Variants in SLC24A2 observed in about 807,000 individuals in gnomAD.
SLC24A2 encodes the protein solute carrier family 24 member 2.
SLC24A2 carries 36 observed loss-of-function variants against 62.0 expected under a neutral mutation model. The observed-to-expected ratio is 0.58, with a 90% CI of 0.44 to 0.77. The LOEUF (loss-of-function observed/expected upper bound fraction) is 0.77, where lower values mean the gene tolerates loss of function less well. Ranked by LOEUF, SLC24A2 falls within the 30% of genes least tolerant of loss-of-function variation. The pLI, the probability that SLC24A2 is intolerant of heterozygous loss-of-function variation, is 0.00. For missense variants in SLC24A2, 846 were observed against 817.9 expected (o/e 1.03, Z -0.42); for synonymous variants, 358 against 294.0 (o/e 1.22, Z -2.23).
chr9:19,835,104 C>A, the SLC24A2 span, among the ~76,000 whole-genome samples: 1 of 152,028 alleles, frequency 6.6e-6, no homozygotes, highest in South Asian at 2.1e-4. Flanking sequence ...ACAACCAGTA[C>A]CAGCCACTGC....
chr9:20,269,565 T>G, the SLC24A2 span, among the ~76,000 whole-genome samples: 1 of 152,210 alleles, frequency 6.6e-6, no homozygotes, highest in African/African-American at 2.4e-5. Context: ...CTCCGTTTCA[T>G]CTGCTTTTCA....
At chr9:19,667,246 T>C (rs1819281532) in intron 2 of SLC24A2, among the ~76,000 whole-genome samples, 1 of 152,188 alleles carries the variant, frequency 6.6e-6, no homozygotes, top group African/African-American at 2.4e-5. Context: ...TTATTTCCCC[T>C]TGTATTTTCT....
At chr9:19,572,819 T>C (rs1200691785) in intron 7 of SLC24A2, among the ~76,000 whole-genome samples, 2 of 152,170 alleles carry the variant, frequency 1.3e-5, no homozygotes, top group East Asian at 3.8e-4. Flanking sequence ...GAATAATGGG[T>C]TGGGCCAGAG....
the SLC24A2 span, among the ~76,000 whole-genome samples, chr9:20,186,814 A>G: frequency 6.6e-6 from 1 of 152,210 alleles, no homozygotes. Flanking sequence ...AACGAGAGAC[A>G]TTTTTATTCA....
chr9:19,571,401 AT>A (rs149140350), intron 7 of SLC24A2, among the ~76,000 whole-genome samples: 5,203 of 150,428 alleles, frequency 0.035, 342 homozygotes, highest in East Asian at 0.3. Context: ...AACAATTAGC[AT>A]TTTTTTTTTC....
At chr9:20,303,205 CTCT>C in the SLC24A2 span, among the ~76,000 whole-genome samples, 1 of 152,084 alleles carries the variant, frequency 6.6e-6, no homozygotes, top group Non-Finnish European at 1.5e-5. Flanking sequence ...GTTACTATCC[CTCT>C]TCTTACCATT....
the SLC24A2 span, among the ~76,000 whole-genome samples, chr9:19,870,600 G>A: frequency 1.3e-5 from 2 of 152,040 alleles, no homozygotes; most frequent in African/African-American, 4.8e-5. Flanking sequence ...TTTCCACAGT[G>A]GCTGTACCAT....
the SLC24A2 span, among the ~76,000 whole-genome samples, chr9:20,071,889 C>A: frequency 6.6e-6 from 1 of 152,014 alleles, no homozygotes; most frequent in Non-Finnish European, 1.5e-5. Context: ...TCACAGAACT[C>A]AAGGAAACAC....
the SLC24A2 span, among the ~76,000 whole-genome samples, chr9:20,090,032 A>G: frequency 2.0e-3 from 297 of 152,160 alleles, 1 homozygote; most frequent in African/African-American, 7.0e-3. Flanking sequence ...CTACCCAGCT[A>G]TCTTCAGACT....
chr9:20,221,244 T>C, the SLC24A2 span, among the ~76,000 whole-genome samples: 1 of 151,990 alleles, frequency 6.6e-6, no homozygotes, highest in African/African-American at 2.4e-5. Flanking sequence ...ACACTAATAA[T>C]AGACTGTGGG....
the SLC24A2 span, among the ~76,000 whole-genome samples, chr9:19,994,656 G>A: frequency 6.6e-6 from 1 of 152,184 alleles, no homozygotes; most frequent in African/African-American, 2.4e-5. Context: ...GGCAAGCAGA[G>A]TGGCTTCCCA....
chr9:19,772,732 T>G (rs143660011), intron 2 of SLC24A2, among the ~76,000 whole-genome samples: 1 of 152,112 alleles, frequency 6.6e-6, no homozygotes, highest in Non-Finnish European at 1.5e-5. Context: ...AAATCGGAAC[T>G]CTCATACACA....
chr9:20,057,166 T>C, the SLC24A2 span, among the ~76,000 whole-genome samples: 3 of 152,238 alleles, frequency 2.0e-5, no homozygotes, highest in East Asian at 1.9e-4. Context: ...AGAAGATTCA[T>C]ATTCTCAGTG....
At chr9:19,987,325 A>G in the SLC24A2 span, among the ~76,000 whole-genome samples, 1 of 152,204 alleles carries the variant, frequency 6.6e-6, no homozygotes, top group African/African-American at 2.4e-5. Context: ...CTTATTAGCA[A>G]AATTCTCTTC....
intron 2 of SLC24A2, among the ~76,000 whole-genome samples, chr9:19,766,473 T>C (rs911186432): frequency 2.6e-5 from 4 of 152,218 alleles, no homozygotes; most frequent in African/African-American, 9.6e-5. Flanking sequence ...GACCTTCAGA[T>C]GGAGTTTTTG....
chr9:19,801,485 G>A, the SLC24A2 span, among the ~76,000 whole-genome samples: 1 of 152,216 alleles, frequency 6.6e-6, no homozygotes, highest in Non-Finnish European at 1.5e-5. Flanking sequence ...ACACGGACCA[G>A]AAGAGTGTAG....
At chr9:20,092,451 T>TC in the SLC24A2 span, among the ~76,000 whole-genome samples, 1 of 152,122 alleles carries the variant, frequency 6.6e-6, no homozygotes, top group Non-Finnish European at 1.5e-5. Flanking sequence ...ATAGACTTTT[T>TC]TATTTTTTTT....
the SLC24A2 span, among the ~76,000 whole-genome samples, chr9:20,090,378 C>T: frequency 6.6e-6 from 1 of 152,124 alleles, no homozygotes; most frequent in African/African-American, 2.4e-5. Flanking sequence ...TCGTGGGTAG[C>T]CTGGGAGTGC....
chr9:19,942,851 A>T, the SLC24A2 span, among the ~76,000 whole-genome samples: 1 of 152,180 alleles, frequency 6.6e-6, no homozygotes, highest in South Asian at 2.1e-4. Context: ...TGTAGCCTAC[A>T]GGCGCCGATG....
Sources: allele counts gnomAD v4.1 joint callset (sites outside exome capture counted in the v4.1 genomes callset), GRCh38; gene constraint gnomAD v4.1.1; transcripts MANE v1.5; gene names NCBI Gene and HGNC (gene_info 2026-07-23, HGNC 2026-07-21).